Variants in SNX25 observed in about 807,000 individuals in gnomAD.
The protein encoded by SNX25 is sorting nexin 25.
A neutral mutation model predicts 113.7 loss-of-function variants in SNX25; 62 were observed. The ratio of observed to expected loss-of-function variants is 0.55; its 90% confidence interval spans 0.44 to 0.67. The LOEUF is 0.67. Among genes scored for constraint, SNX25 ranks in the 30% least tolerant of loss-of-function variants. The probability of loss-of-function intolerance (pLI) is 0.00; values close to 1 mark genes in which losing one functional copy is unlikely to be tolerated. For synonymous variants in SNX25, 421 were observed against 436.2 expected (o/e 0.97, Z 0.43); for missense variants, 1,014 against 1,161.0 (o/e 0.87, Z 1.84).
At chr4:185,246,411 T>G (rs1403221193) in intron 1 of SNX25, among the ~76,000 whole-genome samples, 2 of 152,230 alleles carry the variant, frequency 1.3e-5, no homozygotes. Flanking sequence ...GAACATTAGA[T>G]AGGTATGTCC....
At chr4:185,249,372 C>G (rs1166579882) in intron 2 of SNX25, among the ~76,000 whole-genome samples, 2 of 152,016 alleles carry the variant, frequency 1.3e-5, no homozygotes, top group African/African-American at 4.8e-5. Flanking sequence ...AATTGCATAC[C>G]CCTACTGACT....
intron 5 of SNX25, among the ~76,000 whole-genome samples, chr4:185,277,678 A>C (rs936079394): frequency 5.3e-5 from 8 of 151,672 alleles, no homozygotes; most frequent in Admixed American, 5.3e-4. Context: ...AAAACTAATG[A>C]ATAAAGTTAT....
intron 4 of SNX25, among the ~76,000 whole-genome samples, chr4:185,266,432 C>T (rs1485742709): frequency 1.3e-5 from 2 of 152,136 alleles, no homozygotes; most frequent in Non-Finnish European, 2.9e-5. Context: ...GAGATCTCGG[C>T]TCACTGCAAC....
chr4:185,373,130 T>A, downstream of SNX25: 1 of 1,483,394 alleles, frequency 6.7e-7, no homozygotes. Context: ...TAGATGAAAT[T>A]ATAAGGGAAT....
intron 2 of SNX25, among the ~76,000 whole-genome samples, chr4:185,257,097 G>A (rs1307300795): frequency 1.4e-5 from 2 of 144,830 alleles, no homozygotes; most frequent in Non-Finnish European, 3.0e-5. Context: ...GTGCAGACAA[G>A]CAAAGAAAAG....
In SNX25 at chr4:185,304,185, A is replaced by G. The variant is rs368235469; in HGVS notation, c.1163-6450A>G. On this transcript the variant is annotated intron_variant, in intron 6 of 18. Coordinates refer to ENST00000652585, the MANE Select transcript of SNX25 (RefSeq NM_001378034.2). Reference sequence around the variant, plus strand: ...TTTAGAGACATGTTCTCACTCTGTCACCCAGGCTGGAACATAGAGACGTGA... The same window carrying G: ...TTTAGAGACATGTTCTCACTCTGTCGCCCAGGCTGGAACATAGAGACGTGA... Among the ~76,000 whole-genome samples, 4 of 152,270 alleles carry G rather than the reference A, an allele frequency of 2.6e-5. No individual in the cohort carries two copies. The East Asian group carries it at 5.8e-4, about 22-fold the overall frequency.
chr4:185,243,059 T>C (rs1232122423), intron 1 of SNX25, among the ~76,000 whole-genome samples: 1 of 152,192 alleles, frequency 6.6e-6, no homozygotes, highest in Non-Finnish European at 1.5e-5. Flanking sequence ...GCGGGTGGGA[T>C]GTGGGAACTT....
At chr4:185,350,310 T>C (rs1294908108) in intron 13 of SNX25, among the ~76,000 whole-genome samples, 1 of 152,210 alleles carries the variant, frequency 6.6e-6, no homozygotes, top group Non-Finnish European at 1.5e-5. Flanking sequence ...CCCCACACTC[T>C]GTCATCAGAG....
chr4:185,223,135 C>G (rs933748291), intron 1 of SNX25, among the ~76,000 whole-genome samples: 1 of 152,136 alleles, frequency 6.6e-6, no homozygotes, highest in South Asian at 2.1e-4. Context: ...CTTTGTATCT[C>G]CACCCCAATA....
intron 13 of SNX25, among the ~76,000 whole-genome samples, chr4:185,346,937 C>A (rs1320138869): frequency 6.6e-6 from 1 of 152,206 alleles, no homozygotes; most frequent in East Asian, 1.9e-4. Flanking sequence ...ATCGCTGCAG[C>A]CCCTCTAAAG....
intron 5 of SNX25, among the ~76,000 whole-genome samples, chr4:185,282,524 G>T (rs1750755678): frequency 6.6e-6 from 1 of 152,122 alleles, no homozygotes; most frequent in African/African-American, 2.4e-5. Context: ...GCATTTCAGT[G>T]AGTTTGAGAT....
At chr4:185,226,969 G>A (rs973388676) in intron 1 of SNX25, among the ~76,000 whole-genome samples, 2 of 152,162 alleles carry the variant, frequency 1.3e-5, no homozygotes, top group African/African-American at 4.8e-5. Flanking sequence ...GCTAGGGCAG[G>A]CTCCATGTGG....
chr4:185,239,076 C>T (rs901041865), intron 1 of SNX25, among the ~76,000 whole-genome samples: 11 of 152,196 alleles, frequency 7.2e-5, no homozygotes, highest in East Asian at 5.8e-4. Flanking sequence ...ACAGTTTGAG[C>T]GCATTACGGC....
At chr4:185,373,010 A>G (rs2095421081), downstream of SNX25, 4 of 1,613,854 alleles carry the variant, frequency 2.5e-6, no homozygotes, top group Non-Finnish European at 3.4e-6. Context: ...CCATACAAGT[A>G]CATGAGCCCA....
chr4:185,276,186 C>T (rs773567975), intron 5 of SNX25, among the ~76,000 whole-genome samples: 19 of 152,102 alleles, frequency 1.2e-4, no homozygotes, highest in Admixed American at 3.3e-4. Flanking sequence ...AGCAACACTG[C>T]ACTGAGGTAT....
chr4:185,223,528 G>T (rs1360129892), intron 1 of SNX25, among the ~76,000 whole-genome samples: 1 of 152,176 alleles, frequency 6.6e-6, no homozygotes, highest in Non-Finnish European at 1.5e-5. Context: ...GTGGCCGGGG[G>T]CGGCGGCTCA....
At chr4:185,287,238 G>T (rs1033829612) in intron 5 of SNX25, among the ~76,000 whole-genome samples, 1 of 152,166 alleles carries the variant, frequency 6.6e-6, no homozygotes, top group Non-Finnish European at 1.5e-5. Context: ...TATTTTTCCT[G>T]ACTTGGAGGT....
At chr4:185,346,083 T>G (rs1037536749) in intron 12 of SNX25, among the ~76,000 whole-genome samples, 4 of 152,332 alleles carry the variant, frequency 2.6e-5, no homozygotes, top group South Asian at 2.1e-4. Context: ...GGTCTTGAAC[T>G]CCTGACCTCA....
intron 1 of SNX25, among the ~76,000 whole-genome samples, chr4:185,223,069 A>C (rs879691056): frequency 1.3e-5 from 2 of 152,168 alleles, no homozygotes; most frequent in Non-Finnish European, 2.9e-5. Flanking sequence ...AGATGTATAG[A>C]TGGATGAATG....
Sources: allele counts gnomAD v4.1 joint callset (sites outside exome capture counted in the v4.1 genomes callset), GRCh38; gene constraint gnomAD v4.1.1; transcripts MANE v1.5; gene names NCBI Gene and HGNC (gene_info 2026-07-23, HGNC 2026-07-21).